Variants in RALYL observed in about 807,000 individuals in gnomAD.
RALYL encodes the protein RNA-binding Raly-like protein.
Under a neutral mutation model 35.1 loss-of-function variants are expected in RALYL, and 29 were observed. The observed-to-expected ratio is 0.83, with a 90% CI of 0.61 to 1.13. The LOEUF is 1.13. RALYL is among the 50% of genes most tolerant of loss of function. The pLI, the probability that RALYL is intolerant of heterozygous loss-of-function variation, is 0.00. For missense variants in RALYL, 359 were observed against 360.4 expected (o/e 1.00, Z 0.03); for synonymous variants, 120 against 127.6 (o/e 0.94, Z 0.40).
intron 1 of RALYL, among the ~76,000 whole-genome samples, chr8:84,210,531 C>T (rs1053250774): frequency 9.2e-5 from 14 of 151,876 alleles, no homozygotes; most frequent in South Asian, 6.2e-4. Flanking sequence ...TATGTACAGG[C>T]GCTTATTCAA....
chr8:84,863,892 T>A lies in RALYL; in HGVS notation c.571+1439T>A, dbSNP rs140974520. Among the ~76,000 whole-genome samples, 948 of 152,288 alleles carry A rather than the reference T, an allele frequency of 6.2e-3. 9 individuals carry two copies. The highest frequency in any genetic ancestry group is 0.022 in the African/African-American group (895 of 41,566). ...TGAATTCCATTTTGAGTCTTAGTAATAAAAGAAAAGGAGTTTCTGCAACTC... is the reference window on the plus strand; with the variant it reads ...TGAATTCCATTTTGAGTCTTAGTAAAAAAAGAAAAGGAGTTTCTGCAACTC... On this transcript the variant is annotated intron_variant, in intron 6 of 8. Coordinates refer to ENST00000521268, the MANE Select transcript of RALYL (RefSeq NM_173848.7).
chr8:84,726,348 G>A (rs1844955430), intron 2 of RALYL, among the ~76,000 whole-genome samples: 1 of 145,620 alleles, frequency 6.9e-6, no homozygotes, highest in Non-Finnish European at 1.5e-5. Context: ...ATTTTTGTAG[G>A]TATAGTCCTG....
intron 1 of RALYL, among the ~76,000 whole-genome samples, chr8:84,211,525 G>T (rs1182840309): frequency 6.6e-6 from 1 of 152,030 alleles, no homozygotes; most frequent in African/African-American, 2.4e-5. Context: ...TTATCATTTG[G>T]TGATTAGATT....
At chr8:84,416,840 A>G (rs1437905956) in intron 1 of RALYL, among the ~76,000 whole-genome samples, 1 of 152,210 alleles carries the variant, frequency 6.6e-6, no homozygotes, top group African/African-American at 2.4e-5. Flanking sequence ...ACTTTACCCA[A>G]TTCTTAAAGT....
chr8:84,463,351 C>T (rs1218592058), intron 1 of RALYL, among the ~76,000 whole-genome samples: 1 of 152,032 alleles, frequency 6.6e-6, no homozygotes, highest in Non-Finnish European at 1.5e-5. Flanking sequence ...GCCAAAATAG[C>T]ATACTGCACT....
rs560200078 is a variant in RALYL, at chr8:84,591,482, TA to T, written c.256+61908del. Among the ~76,000 whole-genome samples the T allele has an allele frequency of 5.9e-5, 9 of 152,326 alleles. No individual in the cohort carries two copies. In the South Asian group the frequency reaches 1.9e-3, roughly 32 times the overall value. Reference sequence around the variant, plus strand: ...ACTCAGTAGGTTGCATTACAGAAGATAAACCTAAGTTTGCATAAGGAACCCA... The same window carrying T: ...ACTCAGTAGGTTGCATTACAGAAGATAACCTAAGTTTGCATAAGGAACCCA... On this transcript the variant is annotated intron_variant, in intron 2 of 8. Transcript: ENST00000521268.
intron 4 of RALYL, among the ~76,000 whole-genome samples, chr8:84,831,837 G>C (rs992718249): frequency 6.6e-6 from 1 of 152,026 alleles, no homozygotes; most frequent in African/African-American, 2.4e-5. Context: ...ATTGACAAAA[G>C]GTGCAAATCA....
At chr8:84,466,979 G>A (rs1185348148) in intron 1 of RALYL, among the ~76,000 whole-genome samples, 161 of 152,070 alleles carry the variant, frequency 1.1e-3, no homozygotes, top group Admixed American at 1.6e-3. Flanking sequence ...CTGTGGGATC[G>A]GTGGTGATAT....
intron 3 of RALYL, among the ~76,000 whole-genome samples, chr8:84,802,604 A>AAGAG (rs1007445208): frequency 1.3e-5 from 2 of 151,980 alleles, no homozygotes; most frequent in Admixed American, 1.3e-4. Flanking sequence ...TTCAAAAAAA[A>AAGAG]AGAGAGAGAG....
chr8:84,865,158 A>T lies in RALYL; in HGVS notation c.571+2705A>T, dbSNP rs545419327. Among the ~76,000 whole-genome samples the T allele has an allele frequency of 1.7e-3, 259 of 152,318 alleles. 1 individual carries two copies. The highest frequency in any genetic ancestry group is 0.01 in the Middle Eastern group (3 of 292). ...TATGTGCATGTATAAATATTCATTAATTTATAGTACTTTTTATAATTAGGT... is the reference window on the plus strand; with the variant it reads ...TATGTGCATGTATAAATATTCATTATTTTATAGTACTTTTTATAATTAGGT... On this transcript the variant is annotated intron_variant, in intron 6 of 8. Coordinates refer to ENST00000521268, the MANE Select transcript of RALYL (RefSeq NM_173848.7).
chr8:84,866,875 G>C (rs1212235871), intron 6 of RALYL, among the ~76,000 whole-genome samples: 1 of 152,032 alleles, frequency 6.6e-6, no homozygotes, highest in Non-Finnish European at 1.5e-5. Context: ...TTCATGCAGG[G>C]CCAAGATAAA....
intron 1 of RALYL, among the ~76,000 whole-genome samples, chr8:84,456,634 A>G (rs2050171996): frequency 6.6e-6 from 1 of 152,016 alleles, no homozygotes; most frequent in African/African-American, 2.4e-5. Flanking sequence ...ACAGATAATC[A>G]TTGCGTTCCT....
At chr8:84,763,173 C>A (rs1285271627) in intron 2 of RALYL, among the ~76,000 whole-genome samples, 1 of 151,796 alleles carries the variant, frequency 6.6e-6, no homozygotes, top group Non-Finnish European at 1.5e-5. Context: ...ACAAAAAGGA[C>A]CTAAGAAAAT....
intron 2 of RALYL, among the ~76,000 whole-genome samples, chr8:84,689,685 G>C (rs995949128): frequency 2.0e-5 from 3 of 152,142 alleles, no homozygotes; most frequent in Non-Finnish European, 2.9e-5. Flanking sequence ...CTAGTTTACA[G>C]TCCCACCAAC....
At chr8:84,857,028 C>A (rs367765368) in intron 5 of RALYL, among the ~76,000 whole-genome samples, 350 of 106,814 alleles carry the variant, frequency 3.3e-3, no homozygotes, top group African/African-American at 0.012. Flanking sequence ...GAGCGAGACT[C>A]CGTCTCAGAA....
chr8:84,732,950 C>G (rs1421969864), intron 2 of RALYL, among the ~76,000 whole-genome samples: 1 of 151,938 alleles, frequency 6.6e-6, no homozygotes, highest in African/African-American at 2.4e-5. Flanking sequence ...CCCACCTCAG[C>G]CTCCCAAAGT....
At chr8:84,749,931 C>G (rs1391868175) in intron 2 of RALYL, among the ~76,000 whole-genome samples, 1 of 152,168 alleles carries the variant, frequency 6.6e-6, no homozygotes, top group South Asian at 2.1e-4. Flanking sequence ...CCCTGAGAGG[C>G]AGCTCATCCT....
chr8:84,538,703 A>G lies in RALYL; in HGVS notation c.256+9126A>G, dbSNP rs575195387. Reference sequence around the variant, plus strand: ...TGCAGATGAAGATGATAAATACAAGATAAAGCATGATGTAATACAGATCAA... The same window carrying G: ...TGCAGATGAAGATGATAAATACAAGGTAAAGCATGATGTAATACAGATCAA... On this transcript the variant is annotated intron_variant, in intron 2 of 8. Coordinates refer to ENST00000521268, the MANE Select transcript of RALYL (RefSeq NM_173848.7). Among the ~76,000 whole-genome samples the G allele has an allele frequency of 7.2e-5, 11 of 152,292 alleles. No individual in the cohort carries two copies. In the East Asian group the frequency reaches 2.1e-3, roughly 29 times the overall value.
In RALYL at chr8:84,426,563, A is replaced by G. The variant is rs952362041; in HGVS notation, c.-23-102736A>G. On this transcript the variant is annotated intron_variant, in intron 1 of 8. Transcript: ENST00000521268. Reference sequence around the variant, plus strand: ...AATAAGCATAATGTACTCCAGGCCTATCCATGTTGTAGCAAATGACAAGAT... The same window carrying G: ...AATAAGCATAATGTACTCCAGGCCTGTCCATGTTGTAGCAAATGACAAGAT... Among the ~76,000 whole-genome samples, 4 of 152,020 alleles carry G rather than the reference A, an allele frequency of 2.6e-5. No homozygotes were observed. The South Asian group carries it at 8.3e-4, about 32-fold the overall frequency.
Sources: allele counts gnomAD v4.1 joint callset (sites outside exome capture counted in the v4.1 genomes callset), GRCh38; gene constraint gnomAD v4.1.1; transcripts MANE v1.5; gene names NCBI Gene and HGNC (gene_info 2026-07-23, HGNC 2026-07-21).